CACNA1E: variants seen among roughly 807,000 people sequenced by gnomAD.
CACNA1E encodes calcium voltage-gated channel subunit alpha1 E.
In CACNA1E, 40 loss-of-function variants were observed where a neutral mutation model predicts 259.2. That is an observed-to-expected ratio of 0.15 (90% CI 0.12 to 0.20). The LOEUF (loss-of-function observed/expected upper bound fraction) is 0.20. CACNA1E is among the 10% of genes least tolerant of loss of function. The pLI is 1.00. For missense variants in CACNA1E, 1,874 were observed against 3,040.1 expected (o/e 0.62, Z 9.02); for synonymous variants, 1,104 against 1,138.5 (o/e 0.97, Z 0.61).
At chr1:181,376,811 G>A (rs1655129471) in intron 1 of CACNA1E, among the ~76,000 whole-genome samples, 2 of 149,864 alleles carry the variant, frequency 1.3e-5, no homozygotes, top group African/African-American at 5.0e-5. Flanking sequence ...GTGAAGGTGA[G>A]TTAATTAGAC....
chr1:181,337,159 CTTTT>C (rs1046173006), intron 1 of CACNA1E, among the ~76,000 whole-genome samples: 1 of 142,742 alleles, frequency 7.0e-6, no homozygotes, highest in Admixed American at 7.0e-5. Context: ...AGAATCTACT[CTTTT>C]TTTTTTTTTT....
intron 3 of CACNA1E, among the ~76,000 whole-genome samples, chr1:181,570,945 TG>T (rs1296464684): frequency 2.0e-5 from 3 of 152,234 alleles, no homozygotes; most frequent in Non-Finnish European, 4.4e-5. Flanking sequence ...TTTCCCAGCC[TG>T]GTCTTCCAAT....
intron 7 of CACNA1E, among the ~76,000 whole-genome samples, chr1:181,669,823 A>C (rs149574989): frequency 5.4e-4 from 82 of 152,336 alleles, no homozygotes; most frequent in African/African-American, 1.8e-3. Context: ...AGCAGAGCAC[A>C]AGGCACTTGT....
At chr1:181,403,473 A>G (rs1657248009) in intron 1 of CACNA1E, among the ~76,000 whole-genome samples, 1 of 151,772 alleles carries the variant, frequency 6.6e-6, no homozygotes, top group African/African-American at 2.4e-5. Context: ...ACTTAACTTT[A>G]TTCAGTTTAG....
intron 25 of CACNA1E, among the ~76,000 whole-genome samples, chr1:181,747,808 G>A (rs563909138): frequency 1.1e-3 from 166 of 152,282 alleles, no homozygotes; most frequent in African/African-American, 3.9e-3. Flanking sequence ...TGTCTTCCTT[G>A]CAATCTTGTT....
At chr1:181,785,255 G>T in intron 41 of CACNA1E, 63 bp from the exon 42 acceptor site, 1 of 937,364 alleles carries the variant, frequency 1.1e-6, no homozygotes, top group Non-Finnish European at 1.7e-6. Context: ...AAAGCTTAGA[G>T]GTTCCTCACT....
At chr1:181,548,369 AC>A (rs1383376582) in intron 3 of CACNA1E, among the ~76,000 whole-genome samples, 1 of 151,710 alleles carries the variant, frequency 6.6e-6, no homozygotes, top group Non-Finnish European at 1.5e-5. Context: ...CAAATGATCC[AC>A]CTGCGTTGGC....
At chr1:181,697,460 A>G (rs751514393) in intron 7 of CACNA1E, among the ~76,000 whole-genome samples, 1 of 152,246 alleles carries the variant, frequency 6.6e-6, no homozygotes, top group African/African-American at 2.4e-5. Flanking sequence ...AGCATCTGGT[A>G]CATCATAAAC....
chr1:181,318,809 G>T (rs1350475785), intron 1 of CACNA1E, among the ~76,000 whole-genome samples: 1 of 152,196 alleles, frequency 6.6e-6, no homozygotes, highest in African/African-American at 2.4e-5. Flanking sequence ...CCTTTCCTGG[G>T]ACAGGACTGG....
intron 2 of CACNA1E, among the ~76,000 whole-genome samples, chr1:181,460,326 G>C (rs940160458): frequency 1.3e-5 from 2 of 152,296 alleles, no homozygotes; most frequent in African/African-American, 4.8e-5. Flanking sequence ...GGGAGAGATG[G>C]ATGATGGCAT....
At chr1:181,532,803 T>C (rs1176596983) in intron 3 of CACNA1E, among the ~76,000 whole-genome samples, 1 of 152,256 alleles carries the variant, frequency 6.6e-6, no homozygotes, top group East Asian at 1.9e-4. Flanking sequence ...TTTCTTTGGA[T>C]CTTCTCCTAA....
At chr1:181,727,403 A>G (rs1301382214) in intron 18 of CACNA1E, among the ~76,000 whole-genome samples, 1 of 152,206 alleles carries the variant, frequency 6.6e-6, no homozygotes, top group East Asian at 1.9e-4. Flanking sequence ...AATCACATAC[A>G]ATGAGGAACA....
chr1:181,508,648 C>A (rs144091161), intron 1 of CACNA1E, among the ~76,000 whole-genome samples: 2 of 152,056 alleles, frequency 1.3e-5, no homozygotes, highest in Non-Finnish European at 2.9e-5. Flanking sequence ...ACTCCTCCTG[C>A]GATCAGTGGG....
chr1:181,572,215 G>A (rs1486769952), intron 3 of CACNA1E, among the ~76,000 whole-genome samples: 1 of 152,130 alleles, frequency 6.6e-6, no homozygotes, highest in South Asian at 2.1e-4. Flanking sequence ...AGTTCAAAGG[G>A]AATGCAAGGT....
intron 2 of CACNA1E, among the ~76,000 whole-genome samples, chr1:181,458,022 A>T (rs546867478): frequency 1.3e-5 from 2 of 152,322 alleles, no homozygotes; most frequent in African/African-American, 2.4e-5. Context: ...TGTGTAAGCC[A>T]GCGCCCATAG....
At chr1:181,525,109 G>C (rs1667261663) in intron 3 of CACNA1E, among the ~76,000 whole-genome samples, 1 of 152,172 alleles carries the variant, frequency 6.6e-6, no homozygotes, top group South Asian at 2.1e-4. Context: ...TATATAGGTA[G>C]ATGATTTTCA....
chr1:181,356,161 A>G (rs1653418757), intron 1 of CACNA1E, among the ~76,000 whole-genome samples: 1 of 152,218 alleles, frequency 6.6e-6, no homozygotes, highest in African/African-American at 2.4e-5. Context: ...GACTAGGCTC[A>G]CTGGCCAACA....
At chr1:181,763,332 C>T (rs1658750011) in intron 33 of CACNA1E, 74 bp from the exon 34 acceptor site, 1 of 1,212,010 alleles carries the variant, frequency 8.3e-7, no homozygotes, top group Non-Finnish European at 1.2e-6. Context: ...GGGATAAATA[C>T]ACAAATACTA....
chr1:181,426,079 T>C (rs1317789231), intron 2 of CACNA1E, among the ~76,000 whole-genome samples: 1 of 152,052 alleles, frequency 6.6e-6, no homozygotes, highest in Non-Finnish European at 1.5e-5. Context: ...AGACCAGTGG[T>C]CAGTTCTGGG....
Sources: allele counts gnomAD v4.1 joint callset (sites outside exome capture counted in the v4.1 genomes callset), GRCh38; gene constraint gnomAD v4.1.1; transcripts MANE v1.5; gene names NCBI Gene and HGNC (gene_info 2026-07-23, HGNC 2026-07-21).